The following SSBP2 variants were observed in gnomAD, a reference collection of about 807,000 sequenced individuals.
SSBP2 encodes single-stranded DNA-binding protein 2.
SSBP2 carries 17 observed loss-of-function variants against 61.8 expected under a neutral mutation model. The observed-to-expected ratio is 0.28, with a 90% CI of 0.19 to 0.41. The LOEUF is 0.41. SSBP2 is among the 10% of genes least tolerant of loss of function. SSBP2 has a pLI of 1.00. For missense variants in SSBP2, 310 were observed against 458.7 expected (o/e 0.68, Z 2.96); for synonymous variants, 139 against 141.3 (o/e 0.98, Z 0.12).
At chr5:81,726,213 C>T (rs1036528250) in intron 1 of SSBP2, among the ~76,000 whole-genome samples, 1 of 152,106 alleles carries the variant, frequency 6.6e-6, no homozygotes, top group African/African-American at 2.4e-5. Flanking sequence ...ATGAATTCAA[C>T]TTTTTGCACC....
At chr5:81,587,763 G>GCATA (rs1775176525) in intron 4 of SSBP2, among the ~76,000 whole-genome samples, 1 of 148,928 alleles carries the variant, frequency 6.7e-6, no homozygotes, top group Non-Finnish European at 1.5e-5. Flanking sequence ...ACACGCGCGC[G>GCATA]CACACACACA....
At chr5:81,566,693 G>C (rs903098907) in intron 4 of SSBP2, among the ~76,000 whole-genome samples, 13 of 152,306 alleles carry the variant, frequency 8.5e-5, no homozygotes, top group Non-Finnish European at 1.3e-4. Context: ...AGGCTCAGAA[G>C]AACACAGGAA....
intron 4 of SSBP2, among the ~76,000 whole-genome samples, chr5:81,517,931 G>C (rs1769162974): frequency 6.6e-6 from 1 of 151,994 alleles, no homozygotes; most frequent in Admixed American, 6.6e-5. Context: ...CTGTATGAAA[G>C]TTTCAAAGCA....
Position 81,669,529 on chromosome 5 carries a change from A to C in SSBP2, c.63-19190T>G, listed in dbSNP as rs548291771. ...GACATGGATGAAGCTGGAAGCCATC[A>C]TCCTCAGCAAACTAACACAGGAACA... On this transcript the variant is annotated intron_variant, in intron 1 of 16. Transcript: ENST00000320672. Among the ~76,000 whole-genome samples the C allele has an allele frequency of 2.0e-5, 3 of 152,336 alleles. No individual in the cohort carries two copies. In the South Asian group the frequency reaches 6.2e-4, roughly 32 times the overall value.
intron 15 of SSBP2, among the ~76,000 whole-genome samples, chr5:81,430,377 ACAGT>A (rs1285829623): frequency 6.6e-6 from 1 of 152,204 alleles, no homozygotes; most frequent in Non-Finnish European, 1.5e-5. Context: ...CATATTTCAC[ACAGT>A]CAAACAAAAG....
At chr5:81,486,191 A>C (rs1174268182) in intron 6 of SSBP2, among the ~76,000 whole-genome samples, 1 of 152,180 alleles carries the variant, frequency 6.6e-6, no homozygotes, top group Non-Finnish European at 1.5e-5. Context: ...AAGAGAGCCT[A>C]TATAAAAACT....
intron 4 of SSBP2, among the ~76,000 whole-genome samples, chr5:81,559,264 G>A (rs1772843068): frequency 6.6e-6 from 1 of 151,886 alleles, no homozygotes; most frequent in Admixed American, 6.6e-5. Flanking sequence ...GGCCGTGCCT[G>A]TAATCCCAGC....
At chr5:81,454,836 A>G (rs1764022878) in intron 10 of SSBP2, among the ~76,000 whole-genome samples, 1 of 152,184 alleles carries the variant, frequency 6.6e-6, no homozygotes, top group African/African-American at 2.4e-5. Context: ...CATTGGACGC[A>G]AAGGGCAGAA....
At chr5:81,719,749 G>A (rs1333291225) in intron 1 of SSBP2, among the ~76,000 whole-genome samples, 1 of 152,196 alleles carries the variant, frequency 6.6e-6, no homozygotes, top group East Asian at 1.9e-4. Flanking sequence ...ACAGGGGAAA[G>A]CATGGCACAA....
At chr5:81,479,485 T>G (rs1334566751) in intron 6 of SSBP2, among the ~76,000 whole-genome samples, 1 of 152,054 alleles carries the variant, frequency 6.6e-6, no homozygotes, top group African/African-American at 2.4e-5. Flanking sequence ...GAGATAGGGT[T>G]TCACCATTTT....
At chr5:81,731,656 T>G (rs909184674) in intron 1 of SSBP2, among the ~76,000 whole-genome samples, 1 of 152,130 alleles carries the variant, frequency 6.6e-6, no homozygotes, top group Non-Finnish European at 1.5e-5. Context: ...TTATCATCCA[T>G]GTTAAAAGAT....
chr5:81,547,538 C>G (rs1771833311), intron 4 of SSBP2, among the ~76,000 whole-genome samples: 1 of 152,142 alleles, frequency 6.6e-6, no homozygotes, highest in Admixed American at 6.5e-5. Flanking sequence ...ACAATCATAG[C>G]TCACTGCAAC....
At chr5:81,504,651 G>T (rs1223107299) in intron 5 of SSBP2, among the ~76,000 whole-genome samples, 1 of 152,084 alleles carries the variant, frequency 6.6e-6, no homozygotes, top group East Asian at 1.9e-4. Context: ...ATGCTGCCTA[G>T]TTTTCTTTTC....
intron 1 of SSBP2, among the ~76,000 whole-genome samples, chr5:81,728,899 G>C (rs760078399): frequency 2.0e-5 from 3 of 151,088 alleles, no homozygotes; most frequent in Non-Finnish European, 4.4e-5. Flanking sequence ...AACTAAATTT[G>C]ATGTTTAATA....
At chr5:81,457,093 ACCAATAC>A (rs1436773016) in intron 10 of SSBP2, among the ~76,000 whole-genome samples, 2 of 152,212 alleles carry the variant, frequency 1.3e-5, no homozygotes, top group Non-Finnish European at 2.9e-5. Context: ...GGTTCTAAAT[ACCAATAC>A]CCAGTTAAAG....
At chr5:81,698,731 C>A (rs539579824) in intron 1 of SSBP2, among the ~76,000 whole-genome samples, 1 of 152,146 alleles carries the variant, frequency 6.6e-6, no homozygotes, top group Non-Finnish European at 1.5e-5. Context: ...TTGCTTGAAT[C>A]TGGGAGGCAG....
At chr5:81,740,177 T>C (rs1417825427) in intron 1 of SSBP2, among the ~76,000 whole-genome samples, 3 of 152,036 alleles carry the variant, frequency 2.0e-5, no homozygotes, top group Admixed American at 6.5e-5. Flanking sequence ...ACTCTCAAGA[T>C]ATACACACAT....
chr5:81,640,270 G>T (rs1748655401), intron 2 of SSBP2, among the ~76,000 whole-genome samples: 1 of 152,096 alleles, frequency 6.6e-6, no homozygotes, highest in South Asian at 2.1e-4. Context: ...AACCCAGGAG[G>T]CGGAGATTGC....
At position 81,592,292 on chromosome 5, in the gene SSBP2, C is replaced by T. The variant is rs567719054; in HGVS notation, c.282+23181G>A. On this transcript the variant is annotated intron_variant, in intron 4 of 16. Coordinates refer to ENST00000320672, the MANE Select transcript of SSBP2 (RefSeq NM_012446.5). ...GGCAGCAGCGAGGATGGGGGAGGGG[C>T]GCCTGCCATTGCCAAGTTAGTTGTT... Among the ~76,000 whole-genome samples, 112 of 152,352 alleles carry T rather than the reference C, an allele frequency of 7.4e-4. 2 individuals carry two copies. In the South Asian group the frequency reaches 0.011, roughly 15 times the overall value.
Sources: allele counts gnomAD v4.1 joint callset (sites outside exome capture counted in the v4.1 genomes callset), GRCh38; gene constraint gnomAD v4.1.1; transcripts MANE v1.5; gene names NCBI Gene and HGNC (gene_info 2026-07-23, HGNC 2026-07-21).